Variants in SKAP1 observed in about 807,000 individuals in gnomAD.
SKAP1 encodes the protein src kinase-associated phosphoprotein 1.
SKAP1 carries 44 observed loss-of-function variants against 58.5 expected under a neutral mutation model. That is an observed-to-expected ratio of 0.75 (90% CI 0.59 to 0.97). The LOEUF is 0.97. SKAP1 is among the 50% of genes least tolerant of loss of function. The pLI is 0.00. For synonymous variants in SKAP1, 127 were observed against 149.7 expected (o/e 0.85, Z 1.11); for missense variants, 390 against 435.2 (o/e 0.90, Z 0.92).
intron 4 of SKAP1, among the ~76,000 whole-genome samples, chr17:48,338,968 C>A (rs552390053): frequency 6.6e-6 from 1 of 152,294 alleles, no homozygotes; most frequent in South Asian, 2.1e-4. Context: ...TTACCCTTAT[C>A]ACAGTAAACT....
chr17:48,391,722 C>T (rs1302694485), intron 2 of SKAP1, among the ~76,000 whole-genome samples: 2 of 150,562 alleles, frequency 1.3e-5, no homozygotes, highest in Non-Finnish European at 2.9e-5. Context: ...CAAATTATTG[C>T]TATGACTTTT....
At chr17:48,178,345 C>A (rs1204899455) in intron 9 of SKAP1, among the ~76,000 whole-genome samples, 1 of 152,098 alleles carries the variant, frequency 6.6e-6, no homozygotes, top group Non-Finnish European at 1.5e-5. Context: ...AGCATTCTTC[C>A]ACAGTTGTAA....
intron 3 of SKAP1, among the ~76,000 whole-genome samples, chr17:48,363,549 C>G (rs549369968): frequency 3.3e-5 from 5 of 152,264 alleles, no homozygotes; most frequent in Admixed American, 3.3e-4. Flanking sequence ...ATATTATAGC[C>G]TTGGTTTTAT....
At chr17:48,171,093 GTTTTT>G (rs71141969) in intron 9 of SKAP1, among the ~76,000 whole-genome samples, 1 of 70,256 alleles carries the variant, frequency 1.4e-5, no homozygotes, top group African/African-American at 5.9e-5. Context: ...AATTACTGTT[GTTTTT>G]TTTTTTTTTT....
chr17:48,277,465 A>C (rs1567849682), intron 4 of SKAP1, among the ~76,000 whole-genome samples: 1 of 152,230 alleles, frequency 6.6e-6, no homozygotes, highest in Non-Finnish European at 1.5e-5. Flanking sequence ...GATTAGAAAA[A>C]GGCTCAAATT....
rs140258664 is a variant in SKAP1, at chr17:48,154,723, A to C, written c.978+7746T>G. Among the ~76,000 whole-genome samples the C allele has an allele frequency of 5.1e-3, 777 of 152,248 alleles. 3 individuals are homozygous for C. The highest frequency in any genetic ancestry group is 7.6e-3 in the Non-Finnish European group (514 of 68,022). The stretch of plus-strand genomic sequence containing the variant: ...TGAACAGCTCATGTTACCACCATAA[A>C]TAACTTATGGAACAGGATGCTTTTA... On this transcript the variant is annotated intron_variant, in intron 11 of 12. Coordinates refer to ENST00000336915, the MANE Select transcript of SKAP1 (RefSeq NM_003726.4).
At chr17:48,173,575 C>T (rs2064246620) in intron 9 of SKAP1, among the ~76,000 whole-genome samples, 1 of 152,170 alleles carries the variant, frequency 6.6e-6, no homozygotes, top group Admixed American at 6.5e-5. Flanking sequence ...TTTAGAGATA[C>T]CCAATAATTT....
chr17:48,355,264 A>T (rs1013719448), intron 3 of SKAP1, among the ~76,000 whole-genome samples: 1 of 152,088 alleles, frequency 6.6e-6, no homozygotes, highest in African/African-American at 2.4e-5. Context: ...ACTAATTTAA[A>T]ATTGTTATTA....
chr17:48,293,692 C>T (rs1252449479), intron 4 of SKAP1, among the ~76,000 whole-genome samples: 2 of 152,148 alleles, frequency 1.3e-5, no homozygotes, highest in Non-Finnish European at 2.9e-5. Flanking sequence ...TGATTCTATG[C>T]TTTTCTTTTT....
intron 4 of SKAP1, among the ~76,000 whole-genome samples, chr17:48,283,126 G>C (rs1201595317): frequency 6.6e-6 from 1 of 152,084 alleles, no homozygotes; most frequent in African/African-American, 2.4e-5. Context: ...TTGGGCATTT[G>C]TAAAATATAG....
chr17:48,310,318 C>A (rs2066206497), intron 4 of SKAP1, among the ~76,000 whole-genome samples: 1 of 152,202 alleles, frequency 6.6e-6, no homozygotes. Context: ...TGAGGCAAAT[C>A]ACTGCTGTTA....
intron 4 of SKAP1, among the ~76,000 whole-genome samples, chr17:48,331,711 A>G (rs1208975565): frequency 6.6e-6 from 1 of 152,164 alleles, no homozygotes; most frequent in Admixed American, 6.5e-5. Context: ...GGAAAAAAAA[A>G]AAAAGATAAT....
intron 1 of SKAP1, among the ~76,000 whole-genome samples, chr17:48,429,803 G>A (rs1169101465): frequency 6.6e-6 from 1 of 152,196 alleles, no homozygotes; most frequent in Non-Finnish European, 1.5e-5. Flanking sequence ...GGGGGACCAA[G>A]AACCTGGCCT....
intron 4 of SKAP1, chr17:48,294,450 C>T (rs1372630538): frequency 6.6e-5 from 10 of 152,242 alleles, no homozygotes; most frequent in Admixed American, 5.2e-4. Flanking sequence ...TCACAAAGGA[C>T]GCCAATCTAC....
At chr17:48,404,559 C>T (rs191996047) in intron 1 of SKAP1, among the ~76,000 whole-genome samples, 63 of 152,158 alleles carry the variant, frequency 4.1e-4, no homozygotes, top group African/African-American at 1.4e-3. Flanking sequence ...TACTAAATTA[C>T]ACATTTACAT....
intron 4 of SKAP1, among the ~76,000 whole-genome samples, chr17:48,334,993 C>A (rs60597994): frequency 3.3e-5 from 5 of 151,660 alleles, no homozygotes; most frequent in African/African-American, 1.2e-4. Context: ...TATGAGTTTC[C>A]TAATTAATAT....
chr17:48,222,115 A>C (rs1160339200), intron 4 of SKAP1, among the ~76,000 whole-genome samples: 4 of 152,204 alleles, frequency 2.6e-5, no homozygotes, highest in African/African-American at 9.6e-5. Flanking sequence ...ACTCTCTCAG[A>C]AATTAAGTTG....
intron 4 of SKAP1, among the ~76,000 whole-genome samples, chr17:48,264,360 C>T (rs1319621702): frequency 6.6e-6 from 1 of 151,680 alleles, no homozygotes; most frequent in Admixed American, 6.6e-5. Context: ...ACATACTACC[C>T]AGTTCTTTGA....
At chr17:48,321,182 G>A (rs1306078052) in intron 4 of SKAP1, among the ~76,000 whole-genome samples, 1 of 151,996 alleles carries the variant, frequency 6.6e-6, no homozygotes, top group Non-Finnish European at 1.5e-5. Context: ...TTACCCAAAA[G>A]CAAAGAATGA....
Sources: gnomAD v4.1 joint callset for allele counts (sites outside exome capture counted in the v4.1 genomes callset) on GRCh38, gnomAD v4.1.1 for gene constraint, MANE v1.5 for transcripts, NCBI Gene and HGNC (gene_info 2026-07-23, HGNC 2026-07-21) for gene names.